MASP1: variants seen among roughly 807,000 people sequenced by gnomAD.
MASP1 encodes MBL associated serine protease 1, also known as mannan-binding lectin serine protease 1.
MASP1 carries 59 observed loss-of-function variants against 77.1 expected under a neutral mutation model. That is an observed-to-expected ratio of 0.77 (90% confidence interval 0.62 to 0.95). The LOEUF is 0.95. MASP1 is among the 40% of genes least tolerant of loss of function. The pLI, the probability that MASP1 is intolerant of heterozygous loss-of-function variation, is 0.00. For synonymous variants in MASP1, 362 were observed against 354.5 expected, an observed-to-expected ratio of 1.02 and a Z score of -0.24; for missense variants, 885 against 912.9, an observed-to-expected ratio of 0.97 and a Z score of 0.39.
Position 187,234,501 on chromosome 3 carries a change from G to C in MASP1, c.*1183C>G. Reference sequence around the variant, plus strand: ...AAAATGATTTTTCAAAGGTTATACAGCCAGTTGGGGGCAGAGCAGGGACTA... The same window carrying C: ...AAAATGATTTTTCAAAGGTTATACACCCAGTTGGGGGCAGAGCAGGGACTA... On this transcript the variant is annotated 3_prime_UTR_variant, in exon 11 of 11. Coordinates refer to ENST00000296280, the MANE Select transcript of MASP1 (RefSeq NM_139125.4). The C allele has an allele frequency of 3.1e-6, 4 of 1,285,766 alleles. No homozygotes were observed. The highest frequency in any genetic ancestry group is 4.1e-6 in the Non-Finnish European group (4 of 987,346). The allele number at this position is 1,285,766 out of a possible 1,614,324, so 79.6% of individuals were successfully genotyped here. A position where few individuals can be genotyped will look rare whatever the true frequency, so the allele number is the denominator to read the frequency against.
chr3:187,289,122 T>C (rs188237757), intron 1 of MASP1, among the ~76,000 whole-genome samples: 147 of 152,242 alleles, frequency 9.7e-4, no homozygotes, highest in African/African-American at 3.5e-3. Context: ...TCAAAAAGTT[T>C]AGCTACATTG....
exon 14 of MASP1, chr3:187,223,186 C>G: frequency 6.2e-7 from 1 of 1,614,112 alleles, no homozygotes; most frequent in African/African-American, 1.3e-5. Context: ...CTGACGATGA[C>G]CATGGCTCCT....
At chr3:187,246,964 C>T in intron 8 of MASP1, 4 of 1,128,726 alleles carry the variant, frequency 3.5e-6, no homozygotes, top group Non-Finnish European at 4.4e-6. Context: ...GATTAGAAAC[C>T]ACTTTGATCT....
rs3821802 is a variant in MASP1, at chr3:187,234,452, G to A, written c.*1232C>T. 2.0e-3 allele frequency: 2,620 copies of A among 1,284,882 alleles called. 6 individuals carry two copies. The highest frequency in any genetic ancestry group is 2.5e-3 in the Non-Finnish European group (2,461 of 986,572). The allele number at this position is 1,284,882 out of a possible 1,614,324, so 79.6% of individuals were successfully genotyped here. On this transcript the variant is annotated 3_prime_UTR_variant, in exon 11 of 11. Transcript: ENST00000296280. ...GACCTTATGCCAGCCTGTTGCTGAC[G>A]GAGAACCAGAGACTCAGACAAAGAA...
intron 1 of MASP1, chr3:187,291,151 T>C (rs1348437085): frequency 1.1e-5 from 2 of 185,584 alleles, no homozygotes; most frequent in Non-Finnish European, 2.3e-5. Context: ...CTGGCAAACT[T>C]GTAAAGGTTG....
At position 187,236,842 on chromosome 3, in the gene MASP1, A is replaced by T. The variant is rs201752438; in HGVS notation, c.1304-275T>A. ...TGTGCTTGGGCTTTCTCTACCCTGA[A>T]CCACCTCTGGCTAAGACCACTTGTG... On this transcript the variant is annotated intron_variant, in intron 10 of 10. Coordinates refer to ENST00000296280, the MANE Select transcript of MASP1 (RefSeq NM_139125.4). Among the ~76,000 whole-genome samples the T allele has an allele frequency of 9.9e-5, 15 of 152,188 alleles. No individual in the cohort carries two copies. The East Asian group carries it at 2.7e-3, about 27-fold the overall frequency.
intron 10 of MASP1, among the ~76,000 whole-genome samples, chr3:187,236,833 C>T (rs1421440656): frequency 6.6e-6 from 1 of 152,206 alleles, no homozygotes. Flanking sequence ...TGGGCTTTCT[C>T]TACCCTGAAC....
chr3:187,284,375 C>G (rs377763543), intron 2 of MASP1, among the ~76,000 whole-genome samples: 2 of 152,130 alleles, frequency 1.3e-5, no homozygotes, highest in African/African-American at 4.8e-5. Context: ...GCTACTGGCA[C>G]CTAGTTAGGG....
chr3:187,252,670 C>T (rs1467404649), intron 6 of MASP1, among the ~76,000 whole-genome samples: 9 of 152,048 alleles, frequency 5.9e-5, no homozygotes, highest in Admixed American at 3.9e-4. Context: ...TTGAATGGCT[C>T]GATCAAGGTT....
At chr3:187,291,578 G>C (rs1195574715) in intron 1 of MASP1, 50 bp downstream of exon 1, 1 of 1,612,936 alleles carries the variant, frequency 6.2e-7, no homozygotes, top group Non-Finnish European at 8.5e-7. Context: ...CCTGCTATTT[G>C]ACACTGGTCC....
At chr3:187,239,133 G>A (rs1713414802) in intron 10 of MASP1, among the ~76,000 whole-genome samples, 1 of 151,574 alleles carries the variant, frequency 6.6e-6, no homozygotes, top group Non-Finnish European at 1.5e-5. Flanking sequence ...ACCTGAGGTG[G>A]GGAGTTCGAG....
intron 2 of MASP1, among the ~76,000 whole-genome samples, chr3:187,276,025 C>T (rs1288587796): frequency 2.0e-5 from 3 of 152,010 alleles, no homozygotes; most frequent in African/African-American, 7.3e-5. Flanking sequence ...TCCAGCCACA[C>T]TGCCATCCTT....
intron 3 of MASP1, among the ~76,000 whole-genome samples, chr3:187,261,111 G>A (rs1255040118): frequency 6.6e-6 from 1 of 152,134 alleles, no homozygotes; most frequent in Non-Finnish European, 1.5e-5. Context: ...TCAAACCCAG[G>A]TAACTTGACT....
In MASP1 at chr3:187,256,820, C is replaced by A; in HGVS notation, c.588G>T (p.Val196=). The part of the protein sequence containing the change: ...SDNLFTQRTG[V]ITSPDFPNPY... Reference sequence around the variant, plus strand: ...GGTTTGGGAAGTCAGGGCTGGTGATCACCCCAGTCCTTTGAGTGAAGAGGT... The same window carrying A: ...GGTTTGGGAAGTCAGGGCTGGTGATAACCCCAGTCCTTTGAGTGAAGAGGT... The change falls in exon 5 of 11, where the codon GTG becomes GTT. Residue 196 remains valine (V), a synonymous_variant. Transcript: ENST00000296280. 1 of 1,613,978 alleles carries A rather than the reference C, an allele frequency of 6.2e-7. No homozygotes were observed. The highest frequency in any genetic ancestry group is 8.5e-7 in the Non-Finnish European group (1 of 1,180,012).
chr3:187,243,745 T>C, intron 8 of MASP1, 124 bp from the exon 9 acceptor site: 1 of 1,263,646 alleles, frequency 7.9e-7, no homozygotes, highest in Non-Finnish European at 1.1e-6. Flanking sequence ...AGCAATGTTA[T>C]AATGCCTCTG....
At chr3:187,269,798 G>A (rs1053537034) in intron 2 of MASP1, among the ~76,000 whole-genome samples, 6 of 152,122 alleles carry the variant, frequency 3.9e-5, no homozygotes, top group Admixed American at 2.0e-4. Flanking sequence ...GAGATATTGA[G>A]CATGTGGAGA....
chr3:187,274,211 A>G (rs1285778464), intron 2 of MASP1, among the ~76,000 whole-genome samples: 1 of 152,160 alleles, frequency 6.6e-6, no homozygotes, highest in Admixed American at 6.5e-5. Flanking sequence ...CCATAAAAAA[A>G]AAAAAAGTAA....
At position 187,226,253 on chromosome 3, in the gene MASP1, A is replaced by T. The variant is rs1712418937; in HGVS notation, c.1555+154T>A. On this transcript the variant is annotated intron_variant, in intron 12 of 15. Coordinates refer to the MASP1 transcript ENST00000337774. ...ACGTGTCTGGAGAATCATATCTTGC[A>T]CTTGGACTCAGGTTCCTGGACCTCC... 5.9e-6 allele frequency: 4 copies of T among 673,896 alleles called. No homozygotes were observed. The East Asian group carries it at 1.1e-4, about 18-fold the overall frequency. 41.7% of individuals were successfully genotyped at this position (673,896 alleles called of 1,614,324 possible). A position where few individuals can be genotyped will look rare whatever the true frequency, so the allele number is the denominator to read the frequency against.
chr3:187,274,222 T>C (rs1233657995), intron 2 of MASP1, among the ~76,000 whole-genome samples: 1 of 151,302 alleles, frequency 6.6e-6, no homozygotes, highest in Admixed American at 6.6e-5. Flanking sequence ...AAAAAAGTAA[T>C]AAAAATAATG....
Sources: allele counts gnomAD v4.1 joint callset (sites outside exome capture counted in the v4.1 genomes callset), GRCh38; gene constraint gnomAD v4.1.1; transcripts MANE v1.5; gene names NCBI Gene and HGNC (gene_info 2026-07-23, HGNC 2026-07-21).